The following ZCCHC14 variants were observed in gnomAD, a reference collection of about 807,000 sequenced individuals.
The protein encoded by ZCCHC14 is zinc finger CCHC-type containing 14, also known as zinc finger CCHC domain-containing protein 14.
In ZCCHC14, 16 loss-of-function variants were observed where a neutral mutation model predicts 85.0. That is an observed-to-expected ratio of 0.19 (90% CI 0.13 to 0.29). ZCCHC14 has a LOEUF of 0.29. Among genes scored for constraint, ZCCHC14 ranks in the 10% least tolerant of loss-of-function variants. ZCCHC14 has a pLI of 1.00. For missense variants in ZCCHC14, 1,303 were observed against 1,443.5 expected (o/e 0.90, Z 1.58); for synonymous variants, 775 against 630.7 (o/e 1.23, Z -3.43).
chr16:87,451,243 C>G (rs932792480), intron 2 of ZCCHC14, among the ~76,000 whole-genome samples: 4 of 146,934 alleles, frequency 2.7e-5, no homozygotes, highest in African/African-American at 1.0e-4. Flanking sequence ...GTTGCCCAGG[C>G]TGGAATGCAA....
chr16:87,462,541 C>T (rs1911314173), intron 1 of ZCCHC14, among the ~76,000 whole-genome samples: 1 of 148,864 alleles, frequency 6.7e-6, no homozygotes, highest in Non-Finnish European at 1.5e-5. Flanking sequence ...GAGATCAAGA[C>T]CATCCTGGCT....
chr16:87,442,862 G>C (rs1265802437), intron 2 of ZCCHC14, among the ~76,000 whole-genome samples: 2 of 152,190 alleles, frequency 1.3e-5, no homozygotes, highest in African/African-American at 2.4e-5. Flanking sequence ...ATATTTTAAA[G>C]TACTAAAGGC....
intron 1 of ZCCHC14, among the ~76,000 whole-genome samples, chr16:87,482,314 C>G (rs1271871559): frequency 1.3e-5 from 2 of 152,050 alleles, no homozygotes; most frequent in African/African-American, 4.8e-5. Context: ...AAAGCAAAAA[C>G]AAAGAAGAAA....
At chr16:87,466,781 G>A (rs1911540270) in intron 1 of ZCCHC14, among the ~76,000 whole-genome samples, 1 of 152,134 alleles carries the variant, frequency 6.6e-6, no homozygotes, top group Non-Finnish European at 1.5e-5. Context: ...TTCCATAAAG[G>A]CAGGGAATGC....
At chr16:87,426,428 C>T (rs1909375200) in intron 3 of ZCCHC14, among the ~76,000 whole-genome samples, 1 of 152,240 alleles carries the variant, frequency 6.6e-6, no homozygotes, top group African/African-American at 2.4e-5. Flanking sequence ...TGAAAAGCTA[C>T]TTAGCCTTAT....
chr16:87,483,721 T>C (rs1054525306), intron 1 of ZCCHC14, among the ~76,000 whole-genome samples: 1 of 152,166 alleles, frequency 6.6e-6, no homozygotes, highest in African/African-American at 2.4e-5. Context: ...GAAACAGGCC[T>C]TGTATGTGGC....
rs769194539 is a variant in ZCCHC14 at position 87,412,003 on chromosome 16, ATGG to A, written c.2715_2717del (p.His906del). The A allele has an allele frequency of 2.4e-4, 386 of 1,608,136 alleles. No homozygotes were observed. Among genetic ancestry groups the A allele is most frequent in the Admixed American group, 4.0e-4 (24 of 59,960 alleles). ...GCTGCGGGGGTGCCGGGGGCTGCTG[ATGG>A]TGGTGGTGGTGGTGGTGGTTCGGAT... On this transcript the variant is annotated inframe_deletion, in exon 12 of 13. Transcript: ENST00000671377.
intron 3 of ZCCHC14, among the ~76,000 whole-genome samples, chr16:87,430,526 T>TC (rs1567518123): frequency 1.4e-5 from 2 of 146,872 alleles, no homozygotes; most frequent in Non-Finnish European, 3.0e-5. Flanking sequence ...ATTTCTTTCT[T>TC]TTTTTTTTTT....
Position 87,411,521 on chromosome 16 carries a change from C to T in ZCCHC14, c.3200G>A (p.Arg1067Gln). 4 of 1,613,406 alleles carry T rather than the reference C, an allele frequency of 2.5e-6. No homozygotes were observed. The highest frequency in any genetic ancestry group is 3.4e-6 in the Non-Finnish European group (4 of 1,180,004). The change falls in exon 12 of 13, where the codon CGG becomes CAG. Residue 1067 changes from arginine to glutamine, a missense_variant. Transcript: ENST00000671377. ...CGGCCATGGCGCGCGCTTACCTGGCCGGTTGAAGTCCATGGACGGCTGTTT... is the reference window on the plus strand; with the variant it reads ...CGGCCATGGCGCGCGCTTACCTGGCTGGTTGAAGTCCATGGACGGCTGTTT... ...DCKQPSMDFN[R>Q]PGTFRLKYAP...
At chr16:87,410,451 G>C in intron 12 of ZCCHC14, 116 bp from the exon 13 acceptor site, 1 of 561,856 alleles carries the variant, frequency 1.8e-6, no homozygotes, top group Non-Finnish European at 3.2e-6. Context: ...TGGAAATCTA[G>C]GCCACCCATC....
At chr16:87,454,460 G>C (rs1205082274) in intron 2 of ZCCHC14, among the ~76,000 whole-genome samples, 1 of 152,126 alleles carries the variant, frequency 6.6e-6, no homozygotes, top group Admixed American at 6.5e-5. Context: ...AGAAAAACAA[G>C]AGCCAGAATA....
intron 12 of ZCCHC14, among the ~76,000 whole-genome samples, chr16:87,410,537 G>T (rs184039270): frequency 7.1e-4 from 108 of 152,348 alleles, no homozygotes; most frequent in African/African-American, 2.3e-3. Context: ...TGACCGGGGT[G>T]AAATGACTCA....
intron 1 of ZCCHC14, among the ~76,000 whole-genome samples, chr16:87,462,038 C>CTTCA (rs1911285524): frequency 6.6e-6 from 1 of 151,180 alleles, no homozygotes; most frequent in East Asian, 2.0e-4. Context: ...GAGGCTGAGG[C>CTTCA]AGGAGGACTG....
chr16:87,492,623 G>T lies in ZCCHC14; in HGVS notation c.-385C>A. On this transcript the variant is annotated 5_prime_UTR_variant, in exon 1 of 13. Coordinates refer to ENST00000671377, the MANE Select transcript of ZCCHC14 (RefSeq NM_015144.3). This position sits in a 1 kb window ranked among gnomAD's most constrained non-coding sequence, Gnocchi z 6.7. ...CTCGTCGTCGTCGTCGTCGTCGCCCGGGAGGCGGCCGCCCCCATCTCCCCC... is the reference window on the plus strand; with the variant it reads ...CTCGTCGTCGTCGTCGTCGTCGCCCTGGAGGCGGCCGCCCCCATCTCCCCC... 1 of 146,010 alleles carries T rather than the reference G, an allele frequency of 6.8e-6. No homozygotes were observed. The highest frequency in any genetic ancestry group is 1.9e-4 in the South Asian group (1 of 5,182). The allele number at this position is 146,010 out of a possible 1,614,324, so 9.0% of individuals were successfully genotyped here.
intron 2 of ZCCHC14, among the ~76,000 whole-genome samples, chr16:87,446,463 G>A (rs528914310): frequency 1.0e-4 from 14 of 137,816 alleles, no homozygotes; most frequent in African/African-American, 1.4e-4. Flanking sequence ...CAGCCTGGGC[G>A]ACAGAGGGAG....
intron 1 of ZCCHC14, chr16:87,467,321 A>G (rs1178826438): frequency 2.5e-6 from 4 of 1,586,876 alleles, no homozygotes; most frequent in Non-Finnish European, 1.7e-6. Context: ...CACTGCCCCA[A>G]GCGAAAACAG....
chr16:87,457,855 C>T (rs1191776841), intron 2 of ZCCHC14, among the ~76,000 whole-genome samples: 2 of 152,172 alleles, frequency 1.3e-5, no homozygotes, highest in Non-Finnish European at 2.9e-5. Flanking sequence ...TTCCGGACAA[C>T]AGAAACCGCG....
At chr16:87,478,173 A>T (rs946053884) in intron 1 of ZCCHC14, among the ~76,000 whole-genome samples, 1 of 152,250 alleles carries the variant, frequency 6.6e-6, no homozygotes, top group African/African-American at 2.4e-5. Context: ...ACCCACACAT[A>T]TAAGTGCTTT....
intron 8 of ZCCHC14, among the ~76,000 whole-genome samples, chr16:87,415,652 G>A (rs1004647925): frequency 1.3e-5 from 2 of 152,214 alleles, no homozygotes; most frequent in Non-Finnish European, 2.9e-5. Flanking sequence ...CTCACAGGCT[G>A]GCGGCTCTGC....
Sources: gnomAD v4.1 joint callset for allele counts (sites outside exome capture counted in the v4.1 genomes callset) on GRCh38, gnomAD v4.1.1 for gene constraint, Gnocchi (gnomAD v3.1) non-coding constraint, MANE v1.5 for transcripts, NCBI Gene and HGNC (gene_info 2026-07-23, HGNC 2026-07-21) for gene names.